Variants in PSD3 observed in about 807,000 individuals in gnomAD.
PSD3 encodes the protein PH and SEC7 domain-containing protein 3.
A neutral mutation model predicts 105.5 loss-of-function variants in PSD3; 49 were observed. The observed-to-expected ratio is 0.46, with a 90% CI of 0.37 to 0.59. The LOEUF is 0.59. Among genes scored for constraint, PSD3 ranks in the 20% least tolerant of loss-of-function variants. The pLI is 0.00. For synonymous variants in PSD3, 557 were observed against 457.8 expected (o/e 1.22, Z -2.77); for missense variants, 1,561 against 1,263.8 (o/e 1.24, Z -3.57).
intron 4 of PSD3, among the ~76,000 whole-genome samples, chr8:18,810,918 G>C (rs964711531): frequency 6.6e-6 from 1 of 152,178 alleles, no homozygotes. Context: ...TCAGAAGTAA[G>C]TACACCATCA....
intron 4 of PSD3, chr8:18,864,531 A>C (rs536403564): frequency 6.6e-6 from 1 of 152,198 alleles, no homozygotes; most frequent in Admixed American, 6.5e-5. Flanking sequence ...TCCTTGGTTC[A>C]TGTCTACCAA....
rs746931460 is a variant in PSD3, at chr8:18,819,575, A to ATTTTTTTTTTTT, written c.1635-14689_1635-14678dup. 9.9e-4 allele frequency among the ~76,000 whole-genome samples: 110 copies of ATTTTTTTTTTTT among 111,290 alleles called. 4 individuals are homozygous for ATTTTTTTTTTTT. The highest frequency in any genetic ancestry group is 2.3e-3 in the East Asian group (7 of 2,992). The allele number at this position is 111,290 out of a possible 152,430, so 73.0% of individuals were successfully genotyped here. ...TTCAAATTCTTTAAAATTAGAATGG[A>ATTTTTTTTTTTT]TTTTTTTTTTTTTTTTTTTTTGAGA... On this transcript the variant is annotated intron_variant, in intron 4 of 15. Transcript: ENST00000327040.
At chr8:19,079,890 G>A (rs1829585166) in intron 1 of PSD3, among the ~76,000 whole-genome samples, 1 of 127,118 alleles carries the variant, frequency 7.9e-6, no homozygotes, top group African/African-American at 2.7e-5. Context: ...GAAGAAAATA[G>A]CTTTTTTTTT....
intron 8 of PSD3, among the ~76,000 whole-genome samples, chr8:18,782,368 G>A (rs1248395803): frequency 6.6e-6 from 1 of 152,032 alleles, no homozygotes; most frequent in East Asian, 1.9e-4. Flanking sequence ...AGTTGTTTGG[G>A]TAAGGCGTTT....
At chr8:18,812,182 T>C (rs1811752607) in intron 4 of PSD3, among the ~76,000 whole-genome samples, 2 of 152,186 alleles carry the variant, frequency 1.3e-5, no homozygotes, top group Non-Finnish European at 2.9e-5. Context: ...CAATCTGATG[T>C]TGACGCTGAA....
At chr8:18,737,593 C>T (rs923315) in intron 9 of PSD3, among the ~76,000 whole-genome samples, 129,252 of 152,166 alleles carry the variant, frequency 0.85, 55,590 homozygotes, top group Non-Finnish European at 0.92. Context: ...TGAGTCACTA[C>T]GCTTGGCCTC....
chr8:18,857,907 C>G (rs1816145887), intron 4 of PSD3, among the ~76,000 whole-genome samples: 1 of 152,166 alleles, frequency 6.6e-6, no homozygotes, highest in Non-Finnish European at 1.5e-5. Context: ...AATAGAGCGT[C>G]AGGCACAGGC....
chr8:18,615,632 T>C (rs1448818797), intron 11 of PSD3, among the ~76,000 whole-genome samples: 1 of 152,220 alleles, frequency 6.6e-6, no homozygotes, highest in Non-Finnish European at 1.5e-5. Context: ...CATACTATGA[T>C]TTTTTTCATA....
chr8:18,898,058 T>C (rs1819267994), intron 2 of PSD3, among the ~76,000 whole-genome samples: 1 of 152,192 alleles, frequency 6.6e-6, no homozygotes, highest in Non-Finnish European at 1.5e-5. Context: ...ATGTTGGCTA[T>C]GGTTTTCTCA....
chr8:18,759,128 T>TA (rs1474603813), intron 9 of PSD3, among the ~76,000 whole-genome samples: 1 of 151,208 alleles, frequency 6.6e-6, no homozygotes, highest in Admixed American at 6.6e-5. Flanking sequence ...TCTTCCACAT[T>TA]AAAACTTTTG....
chr8:18,914,698 G>C (rs181429399), intron 2 of PSD3, among the ~76,000 whole-genome samples: 8 of 152,220 alleles, frequency 5.3e-5, no homozygotes, highest in Admixed American at 5.2e-4. Context: ...AAACACTAAT[G>C]AAAAAAGTTG....
At chr8:18,817,952 TTTTTGG>T (rs1284889759) in intron 4 of PSD3, among the ~76,000 whole-genome samples, 2 of 152,074 alleles carry the variant, frequency 1.3e-5, no homozygotes, top group African/African-American at 4.8e-5. Context: ...ACGTTTTTTG[TTTTTGG>T]TTTTGGTTTT....
intron 9 of PSD3, among the ~76,000 whole-genome samples, chr8:18,668,071 C>T (rs1563157461): frequency 6.6e-6 from 1 of 152,322 alleles, no homozygotes; most frequent in African/African-American, 2.4e-5. Context: ...TCTCCCTGCA[C>T]ACCTCCCAGC....
intron 12 of PSD3, among the ~76,000 whole-genome samples, chr8:18,586,076 G>T (rs987182411): frequency 6.6e-6 from 1 of 152,086 alleles, no homozygotes; most frequent in Non-Finnish European, 1.5e-5. Flanking sequence ...TGCCGACACT[G>T]TGCCCATGTG....
intron 15 of PSD3, among the ~76,000 whole-genome samples, chr8:18,555,427 A>C (rs1018107924): frequency 6.6e-6 from 1 of 152,190 alleles, no homozygotes; most frequent in African/African-American, 2.4e-5. Flanking sequence ...CCACCAGAAA[A>C]AAAAACAAAA....
At chr8:18,690,411 T>C (rs1307250821) in intron 9 of PSD3, among the ~76,000 whole-genome samples, 1 of 152,338 alleles carries the variant, frequency 6.6e-6, no homozygotes, top group Non-Finnish European at 1.5e-5. Flanking sequence ...GGAAAACAGA[T>C]ACATTGGATC....
In PSD3 at chr8:18,904,201, A is replaced by G. The variant is rs576730773; in HGVS notation, c.131-31468T>C. ...AACAAGAGAGAGAGAAGGAGGTGCT[A>G]GGCTCTTTTAAACAACTAGGTCTTA... On this transcript the variant is annotated intron_variant, in intron 2 of 15. Coordinates refer to ENST00000327040, the MANE Select transcript of PSD3 (RefSeq NM_015310.4). Among the ~76,000 whole-genome samples the G allele has an allele frequency of 9.9e-4, 151 of 152,262 alleles. 2 individuals carry two copies. Among genetic ancestry groups the G allele is most frequent in the Non-Finnish European group, 2.4e-4 (16 of 68,018 alleles).
At chr8:18,814,942 A>G (rs1812083014) in intron 4 of PSD3, among the ~76,000 whole-genome samples, 1 of 152,224 alleles carries the variant, frequency 6.6e-6, no homozygotes, top group Non-Finnish European at 1.5e-5. Context: ...CCTTATGTGG[A>G]TAAGAACTAC....
At chr8:18,798,260 C>G (rs746077339) in intron 8 of PSD3, among the ~76,000 whole-genome samples, 2 of 152,104 alleles carry the variant, frequency 1.3e-5, no homozygotes, top group Non-Finnish European at 2.9e-5. Context: ...TTACAAGCCA[C>G]TAAGTGATTC....
Sources: allele counts gnomAD v4.1 joint callset (sites outside exome capture counted in the v4.1 genomes callset), GRCh38; gene constraint gnomAD v4.1.1; transcripts MANE v1.5; gene names NCBI Gene and HGNC (gene_info 2026-07-23, HGNC 2026-07-21).